CDH7: variants seen among roughly 807,000 people sequenced by gnomAD.
The protein encoded by CDH7 is cadherin 7.
In CDH7, 25 loss-of-function variants were observed where a neutral mutation model predicts 71.8. That is an observed-to-expected ratio of 0.35 (90% CI 0.25 to 0.49). CDH7 has a LOEUF of 0.49. Among genes scored for constraint, CDH7 ranks in the 20% least tolerant of loss-of-function variants. The pLI, the probability that CDH7 is intolerant of heterozygous loss-of-function variation, is 0.99. For missense variants in CDH7, 862 were observed against 974.6 expected, an observed-to-expected ratio of 0.88 and a Z score of 1.54; for synonymous variants, 381 against 363.8, an observed-to-expected ratio of 1.05 and a Z score of -0.54.
intron 2 of CDH7, among the ~76,000 whole-genome samples, chr18:65,790,084 G>C (rs944783916): frequency 1.3e-5 from 2 of 151,790 alleles, no homozygotes; most frequent in African/African-American, 2.4e-5. Flanking sequence ...AAAAAAATTA[G>C]CCGGGCATGG....
At chr18:65,843,387 A>T (rs1912806896) in intron 6 of CDH7, among the ~76,000 whole-genome samples, 1 of 152,110 alleles carries the variant, frequency 6.6e-6, no homozygotes, top group Non-Finnish European at 1.5e-5. Context: ...AAGTCCCCCA[A>T]ATCACTGACC....
At chr18:65,756,589 G>A (rs1916035436) in intron 1 of CDH7, among the ~76,000 whole-genome samples, 1 of 152,192 alleles carries the variant, frequency 6.6e-6, no homozygotes, top group South Asian at 2.1e-4. Context: ...CAGAAGACCT[G>A]CATCTGAGGC....
At chr18:65,805,173 T>G (rs1911271277) in intron 2 of CDH7, among the ~76,000 whole-genome samples, 1 of 152,180 alleles carries the variant, frequency 6.6e-6, no homozygotes, top group South Asian at 2.1e-4. Flanking sequence ...ATAACTAGAT[T>G]TTCAATATAA....
intron 4 of CDH7, among the ~76,000 whole-genome samples, chr18:65,821,110 C>CA (rs1449071227): frequency 1.5e-5 from 2 of 132,898 alleles, no homozygotes; most frequent in Non-Finnish European, 3.2e-5. Context: ...TAATTAACAG[C>CA]AAAAAATAAC....
intron 6 of CDH7, among the ~76,000 whole-genome samples, chr18:65,833,072 A>T (rs1912408994): frequency 1.3e-5 from 2 of 152,176 alleles, no homozygotes; most frequent in South Asian, 4.1e-4. Context: ...GCTGTGCTAG[A>T]TTCAAAATAT....
intron 11 of CDH7, among the ~76,000 whole-genome samples, chr18:65,869,680 G>T (rs754139407): frequency 7.5e-5 from 11 of 146,552 alleles, no homozygotes; most frequent in Admixed American, 6.6e-4. Flanking sequence ...TGGTCGACTT[G>T]TCTGTTTAAT....
In CDH7 at chr18:65,884,244, T is replaced by C. The variant is rs1175024908; in HGVS notation, c.*3350T>C. 1 of 152,136 alleles carries C rather than the reference T, an allele frequency of 6.6e-6. No individual in the cohort carries two copies. Among genetic ancestry groups the C allele is most frequent in the East Asian group, 1.9e-4 (1 of 5,186 alleles). The allele number at this position is 152,136 out of a possible 1,614,324, so 9.4% of individuals were successfully genotyped here. ...ATCAATCTCAATTCACAAATTAGTCTCTGAAAGAAATATTCCAAGATCAGC... is the reference window on the plus strand; with the variant it reads ...ATCAATCTCAATTCACAAATTAGTCCCTGAAAGAAATATTCCAAGATCAGC... On this transcript the variant is annotated 3_prime_UTR_variant, in exon 12 of 12. Coordinates refer to ENST00000397968, the MANE Select transcript of CDH7 (RefSeq NM_004361.5).
intron 2 of CDH7, among the ~76,000 whole-genome samples, chr18:65,772,426 A>G (rs1375600813): frequency 3.9e-5 from 6 of 152,180 alleles, no homozygotes; most frequent in African/African-American, 1.2e-4. Flanking sequence ...AAATTTCTCA[A>G]CTGAATCGTA....
At chr18:65,800,755 C>G (rs73966306) in intron 2 of CDH7, among the ~76,000 whole-genome samples, 1 of 151,900 alleles carries the variant, frequency 6.6e-6, no homozygotes, top group South Asian at 2.1e-4. Context: ...GTGATAAGAC[C>G]TCTTTTTATA....
At chr18:65,791,831 G>C (rs961707986) in intron 2 of CDH7, among the ~76,000 whole-genome samples, 3 of 152,038 alleles carry the variant, frequency 2.0e-5, no homozygotes, top group African/African-American at 7.2e-5. Context: ...AGAATTATTG[G>C]GGAAACAAAT....
chr18:65,854,547 C>T (rs1352509047), intron 7 of CDH7, among the ~76,000 whole-genome samples: 1 of 151,992 alleles, frequency 6.6e-6, no homozygotes, highest in African/African-American at 2.4e-5. Flanking sequence ...ATCTTTGAGA[C>T]TATTGATAAT....
chr18:65,756,625 G>C (rs1420606258), intron 1 of CDH7, among the ~76,000 whole-genome samples: 3 of 152,210 alleles, frequency 2.0e-5, no homozygotes, highest in African/African-American at 7.2e-5. Flanking sequence ...GAGAGCATGA[G>C]CAGCTGCTCC....
chr18:65,791,226 A>G (rs9807135), intron 2 of CDH7, among the ~76,000 whole-genome samples: 67,176 of 152,048 alleles, frequency 0.44, 17,673 homozygotes, highest in African/African-American at 0.74. Flanking sequence ...GTGTGTTTAC[A>G]TATGTGTGCA....
At chr18:65,786,068 T>A (rs1431711307) in intron 2 of CDH7, among the ~76,000 whole-genome samples, 2 of 152,222 alleles carry the variant, frequency 1.3e-5, no homozygotes, top group African/African-American at 4.8e-5. Flanking sequence ...GTGATTGATC[T>A]GAGCTAGAGC....
At chr18:65,827,971 A>G (rs1912192838) in intron 6 of CDH7, among the ~76,000 whole-genome samples, 1 of 151,898 alleles carries the variant, frequency 6.6e-6, no homozygotes, top group African/African-American at 2.4e-5. Flanking sequence ...AGTTTTCCTC[A>G]TGCTAAAAAT....
intron 7 of CDH7, among the ~76,000 whole-genome samples, chr18:65,845,115 C>T (rs1912890559): frequency 6.6e-6 from 1 of 151,468 alleles, no homozygotes; most frequent in Admixed American, 6.6e-5. Context: ...TTGTTTCTTT[C>T]TAAAGTAATA....
chr18:65,876,011 A>C (rs889645971), intron 11 of CDH7, among the ~76,000 whole-genome samples: 1 of 152,202 alleles, frequency 6.6e-6, no homozygotes, highest in Non-Finnish European at 1.5e-5. Flanking sequence ...AGTTCGCAGT[A>C]GGGTGTTGTA....
Position 65,853,912 on chromosome 18 carries a change from T to TATATATATATATATATATATCC in CDH7, c.1236-3884_1236-3883insCCATATATATATATATATATAT, listed in dbSNP as rs1173868843. Among the ~76,000 whole-genome samples, 13 of 29,400 alleles carry TATATATATATATATATATATCC rather than the reference T, an allele frequency of 4.4e-4. 2 individuals carry two copies. Among genetic ancestry groups the TATATATATATATATATATATCC allele is most frequent in the African/African-American group, 3.2e-3 (13 of 4,010 alleles). 19.3% of individuals were successfully genotyped at this position (29,400 alleles called of 152,430 possible). On this transcript the variant is annotated intron_variant, in intron 7 of 11. Coordinates refer to ENST00000397968, the MANE Select transcript of CDH7 (RefSeq NM_004361.5). ...TGATAACATCATAAATTACCATATA[T>TATATATATATATATATATATCC]ATATATATATATATATATATATATA...
intron 2 of CDH7, among the ~76,000 whole-genome samples, chr18:65,770,578 T>C (rs1230127576): frequency 1.3e-5 from 2 of 152,204 alleles, no homozygotes; most frequent in African/African-American, 4.8e-5. Context: ...TTAAAACTTA[T>C]ATTCCTGTTG....
Sources: gnomAD v4.1 joint callset for allele counts (sites outside exome capture counted in the v4.1 genomes callset) on GRCh38, gnomAD v4.1.1 for gene constraint, MANE v1.5 for transcripts, NCBI Gene and HGNC (gene_info 2026-07-23, HGNC 2026-07-21) for gene names.